CDK5RAP2: variants seen among roughly 807,000 people sequenced by gnomAD.
The protein encoded by CDK5RAP2 is CDK5 regulatory subunit associated protein 2, also known as CDK5 regulatory subunit-associated protein 2.
CDK5RAP2 carries 147 observed loss-of-function variants against 232.9 expected under a neutral mutation model. That is an observed-to-expected ratio of 0.63 (90% CI 0.55 to 0.72). The LOEUF is 0.72. CDK5RAP2 is among the 30% of genes least tolerant of loss of function. CDK5RAP2 has a pLI of 0.00. For synonymous variants in CDK5RAP2, 833 were observed against 833.7 expected (o/e 1.00, Z 0.01); for missense variants, 2,195 against 2,231.5 (o/e 0.98, Z 0.33).
chr9:120,492,361 G>C (rs1331093440), intron 12 of CDK5RAP2, among the ~76,000 whole-genome samples: 2 of 152,086 alleles, frequency 1.3e-5, no homozygotes, highest in African/African-American at 4.8e-5. Flanking sequence ...AGAGACCCAA[G>C]AGAAATAAGT....
At position 120,470,188 on chromosome 9, in the gene CDK5RAP2, A is replaced by G; in HGVS notation, c.1891T>C (p.Ser631Pro). Residue 631 changes from serine (S) to proline (P), a missense_variant, in exon 17 of 38, where the codon TCT (serine) becomes CCT (proline). Transcript: ENST00000349780. ...TCTTCAAGGCAAATACTTAGATAAG[A>G]TGTTTGATCACTATAAAGTGAAAAT... ...ESFSLYSDQT[S>P]YLSICLEENN... 4 of 1,586,746 alleles carry G rather than the reference A, an allele frequency of 2.5e-6. No homozygotes were observed. Among genetic ancestry groups the G allele is most frequent in the African/African-American group, 1.3e-5 (1 of 74,240 alleles).
intron 11 of CDK5RAP2, among the ~76,000 whole-genome samples, chr9:120,522,453 A>G (rs2040714624): frequency 6.6e-6 from 1 of 152,112 alleles, no homozygotes; most frequent in African/African-American, 2.4e-5. Context: ...TTAATTTTTT[A>G]AAGTATATAT....
intron 23 of CDK5RAP2, chr9:120,440,264 A>G: frequency 2.3e-6 from 1 of 436,496 alleles, no homozygotes; most frequent in Non-Finnish European, 4.2e-6. Flanking sequence ...ACACCCCCTA[A>G]AATTCATCGA....
intron 30 of CDK5RAP2, 111 bp downstream of exon 30, chr9:120,409,016 T>C: frequency 1.0e-6 from 1 of 964,010 alleles, no homozygotes; most frequent in Non-Finnish European, 1.6e-6. Context: ...TTGTGTCTAC[T>C]GCCTGCCACT....
intron 14 of CDK5RAP2, among the ~76,000 whole-genome samples, chr9:120,481,793 G>A (rs557191193): frequency 5.9e-5 from 9 of 152,280 alleles, no homozygotes; most frequent in African/African-American, 1.4e-4. Flanking sequence ...GATTACAGGC[G>A]TGAGCCACCG....
chr9:120,528,929 T>TC, intron 8 of CDK5RAP2, 132 bp from the exon 9 acceptor site: 1 of 707,246 alleles, frequency 1.4e-6, no homozygotes, highest in South Asian at 1.5e-5. Flanking sequence ...AAAACAAGTG[T>TC]CCCCTCCCTC....
chr9:120,434,642 G>A lies in CDK5RAP2; in HGVS notation c.3955+2653C>T, dbSNP rs538484586. 2.0e-5 allele frequency among the ~76,000 whole-genome samples: 3 copies of A among 152,238 alleles called. No homozygotes were observed. In the South Asian group the frequency reaches 6.2e-4, roughly 32 times the overall value. On this transcript the variant is annotated intron_variant, in intron 25 of 37. Coordinates refer to ENST00000349780, the MANE Select transcript of CDK5RAP2 (RefSeq NM_018249.6). ...TTGGTGGTGAGGACTGGTCAGGGAT[G>A]GAAGACGTGCAGAAGGCGGGGCTGC...
chr9:120,476,845 C>T (rs1354640267), intron 15 of CDK5RAP2, among the ~76,000 whole-genome samples: 1 of 152,104 alleles, frequency 6.6e-6, no homozygotes, highest in Non-Finnish European at 1.5e-5. Flanking sequence ...AGTTGGCTCT[C>T]CCCACCACAC....
At position 120,409,285 on chromosome 9, in the gene CDK5RAP2, C is replaced by G. The variant is rs756031896; in HGVS notation, c.4446G>C (p.Glu1482Asp). 7 of 1,609,576 alleles carry G rather than the reference C, an allele frequency of 4.3e-6. No homozygotes were observed. ...DKQKENDKLR[E>D]SLSRKTVSLE... ...GGCTCACGGTCTTCCTGGAGAGGGA[C>G]TCTCGTAATTTGTCATTCTCCTTCT... Residue 1482 changes from glutamate (E) to aspartate (D), a missense_variant, in exon 30 of 38, where the codon GAG becomes GAC. By Grantham distance (45) the Glu-to-Asp change is conservative (BLOSUM62 2). Coordinates refer to ENST00000349780, the MANE Select transcript of CDK5RAP2 (RefSeq NM_018249.6).
At chr9:120,434,660 G>A (rs2035471552) in intron 25 of CDK5RAP2, among the ~76,000 whole-genome samples, 1 of 151,922 alleles carries the variant, frequency 6.6e-6, no homozygotes, top group Non-Finnish European at 1.5e-5. Flanking sequence ...TGCAGAAGGC[G>A]GGGCTGCACA....
chr9:120,429,510 C>T (rs557685464), intron 25 of CDK5RAP2, among the ~76,000 whole-genome samples: 22 of 152,214 alleles, frequency 1.4e-4, no homozygotes, highest in Admixed American at 3.3e-4. Flanking sequence ...CCATTCACAA[C>T]TGCTTCAAAG....
Position 120,437,968 on chromosome 9 carries a change from A to C in CDK5RAP2, c.3723-441T>G, listed in dbSNP as rs1547265. 8.0e-4 allele frequency among the ~76,000 whole-genome samples: 122 copies of C among 152,334 alleles called. 3 individuals are homozygous for C. In the South Asian group the frequency reaches 0.025, roughly 31 times the overall value. On this transcript the variant is annotated intron_variant, in intron 24 of 37. Transcript: ENST00000349780. ...AACAAAACGTCACTGAATAATCATG[A>C]TGCTAACTACCATTTACTGAGGGTC...
rs2035799075 is a variant in CDK5RAP2 at position 120,439,903 on chromosome 9, A to G, written c.3218T>C (p.Leu1073Pro). Reference protein sequence around the residue: ...PSCKENPEDVLSPTSVATYLS... With the variant: ...PSCKENPEDVPSPTSVATYLS... ...GTAAGTAGCTACTGAAGTTGGGCTC[A>G]GAACATCTTCAGGATTTTCTTTGCA... Residue 1073 changes from leucine (L) to proline (P), a missense_variant, in exon 24 of 38, where the codon CTG (leucine) becomes CCG (proline). By Grantham distance (98) the Leu-to-Pro change is moderately conservative (BLOSUM62 -3). Transcript: ENST00000349780. 1.2e-6 allele frequency: 2 copies of G among 1,614,210 alleles called. No individual in the cohort carries two copies. The highest frequency in any genetic ancestry group is 4.5e-5 in the East Asian group (2 of 44,890).
intron 12 of CDK5RAP2, among the ~76,000 whole-genome samples, chr9:120,515,190 G>T (rs1246453541): frequency 6.6e-6 from 1 of 151,910 alleles, no homozygotes; most frequent in African/African-American, 2.4e-5. Context: ...TAAAAAAAAA[G>T]GTCATCTAAT....
chr9:120,453,814 T>C lies in CDK5RAP2; in HGVS notation c.2435A>G (p.Gln812Arg). 6.2e-7 allele frequency: 1 copy of C among 1,614,254 alleles called. No individual in the cohort carries two copies. ...LLLGQLFLTEQEVSGEHLDGK... is the reference protein window; with the variant it reads ...LLLGQLFLTEREVSGEHLDGK... ...ATCAAGGTGTTCTCCAGAAACTTCCTGCTCTGTCAAGAATAGTTGTCCCAG... is the reference window on the plus strand; with the variant it reads ...ATCAAGGTGTTCTCCAGAAACTTCCCGCTCTGTCAAGAATAGTTGTCCCAG... Residue 812 changes from glutamine to arginine, a missense_variant, in exon 21 of 38, where the codon CAG (glutamine) becomes CGG (arginine). By Grantham distance (43) the Gln-to-Arg change is conservative (BLOSUM62 1). Coordinates refer to ENST00000349780, the MANE Select transcript of CDK5RAP2 (RefSeq NM_018249.6).
chr9:120,550,048 G>A (rs1285742039), intron 4 of CDK5RAP2, among the ~76,000 whole-genome samples: 2 of 152,078 alleles, frequency 1.3e-5, no homozygotes, highest in South Asian at 2.1e-4. Context: ...CCAGGCCAAG[G>A]GCTAATCTAC....
chr9:120,453,530 G>A lies in CDK5RAP2; in HGVS notation c.2719C>T (p.His907Tyr), dbSNP rs1425247637. The change falls in exon 21 of 38, where the codon CAT becomes TAT. Residue 907 changes from histidine (H) to tyrosine (Y), a missense_variant. Transcript: ENST00000349780. ...KPINTALSAE[H>Y]RPENLHGVPG... Reference sequence around the variant, plus strand: ...ACCCCGTGCAGGTTCTCTGGCCGATGCTCTGCGCTGAGTGCAGTGTTGATC... The same window carrying A: ...ACCCCGTGCAGGTTCTCTGGCCGATACTCTGCGCTGAGTGCAGTGTTGATC... 1 of 1,614,114 alleles carries A rather than the reference G, an allele frequency of 6.2e-7. No individual in the cohort carries two copies. The highest frequency in any genetic ancestry group is 1.1e-5 in the South Asian group (1 of 91,086).
intron 6 of CDK5RAP2, 74 bp downstream of exon 6, chr9:120,538,950 CTGACGGTTTATAAAAAA>C: frequency 2.9e-6 from 4 of 1,379,482 alleles, no homozygotes; most frequent in Non-Finnish European, 4.1e-6. Flanking sequence ...TCTGCTGAAA[CTGACGGTTTATAAAAAA>C]AGAAACAAAA....
At chr9:120,474,146 G>A (rs1379119162) in intron 15 of CDK5RAP2, among the ~76,000 whole-genome samples, 2 of 152,170 alleles carry the variant, frequency 1.3e-5, no homozygotes, top group Non-Finnish European at 2.9e-5. Flanking sequence ...TTGCGATTGT[G>A]TTGAGGAATA....
Sources: gnomAD v4.1 joint callset for allele counts (sites outside exome capture counted in the v4.1 genomes callset) on GRCh38, gnomAD v4.1.1 for gene constraint, MANE v1.5 for transcripts, NCBI Gene and HGNC (gene_info 2026-07-23, HGNC 2026-07-21) for gene names.